The following GABRB1 variants were observed in gnomAD, a reference collection of about 807,000 sequenced individuals.
GABRB1 encodes the protein gamma-aminobutyric acid type A receptor subunit beta1, also known as gamma-aminobutyric acid receptor subunit beta-1.
Under a neutral mutation model 51.6 loss-of-function variants are expected in GABRB1, and 17 were observed. The ratio of observed to expected loss-of-function variants is 0.33; its 90% confidence interval spans 0.23 to 0.49. The LOEUF is 0.49. Among genes scored for constraint, GABRB1 ranks in the 20% least tolerant of loss-of-function variants. The pLI, the probability that GABRB1 is intolerant of heterozygous loss-of-function variation, is 0.99. For synonymous variants in GABRB1, 247 were observed against 218.9 expected (o/e 1.13, Z -1.14); for missense variants, 410 against 600.6 (o/e 0.68, Z 3.32).
intron 3 of GABRB1, among the ~76,000 whole-genome samples, chr4:47,158,275 T>A (rs903569366): frequency 6.6e-6 from 1 of 152,102 alleles, no homozygotes; most frequent in African/African-American, 2.4e-5. Flanking sequence ...TTGCCATTTT[T>A]AAAGTTGACA....
chr4:47,416,354 A>G (rs1175921078), intron 8 of GABRB1, among the ~76,000 whole-genome samples: 3 of 152,230 alleles, frequency 2.0e-5, no homozygotes, highest in African/African-American at 7.2e-5. Flanking sequence ...TGCTTTTTGG[A>G]CTAGAATAAG....
At chr4:47,029,920 C>A (rs867893644), upstream of GABRB1, among the ~76,000 whole-genome samples, 1 of 152,116 alleles carries the variant, frequency 6.6e-6, no homozygotes, top group African/African-American at 2.4e-5. Context: ...CTATATAGCA[C>A]AATAATGTCT....
At chr4:47,379,690 T>A (rs894414284) in intron 5 of GABRB1, among the ~76,000 whole-genome samples, 3 of 152,146 alleles carry the variant, frequency 2.0e-5, no homozygotes, top group African/African-American at 7.2e-5. Context: ...CCAGGAAGGG[T>A]CAAATATATC....
chr4:47,423,479 G>A (rs1204771019), intron 8 of GABRB1, among the ~76,000 whole-genome samples: 1 of 152,228 alleles, frequency 6.6e-6, no homozygotes, highest in African/African-American at 2.4e-5. Flanking sequence ...AAATTCTGTT[G>A]TAAAAGTCAG....
chr4:47,111,137 AAGCCTTTTG>A (rs1235873052), intron 3 of GABRB1, among the ~76,000 whole-genome samples: 1 of 152,288 alleles, frequency 6.6e-6, no homozygotes, highest in East Asian at 1.9e-4. Context: ...GCAGAACTGG[AAGCCTTTTG>A]AGGTAAAATT....
chr4:47,357,540 G>A (rs939495814), intron 5 of GABRB1, among the ~76,000 whole-genome samples: 10 of 152,162 alleles, frequency 6.6e-5, no homozygotes, highest in Admixed American at 2.0e-4. Flanking sequence ...CAGGTTCCAC[G>A]AATCACTCAC....
At chr4:46,996,154 C>T (rs1723989737) in intron 1 of GABRB1, among the ~76,000 whole-genome samples, 1 of 151,342 alleles carries the variant, frequency 6.6e-6, no homozygotes, top group Non-Finnish European at 1.5e-5. Context: ...TATTGTTTCC[C>T]ATGTAAACTC....
intron 3 of GABRB1, among the ~76,000 whole-genome samples, chr4:47,154,121 A>C (rs145921201): frequency 2.0e-5 from 3 of 152,114 alleles, no homozygotes; most frequent in Non-Finnish European, 2.9e-5. Flanking sequence ...GGTGACAGTG[A>C]AAAGAAAAAC....
At chr4:47,122,998 C>G (rs1198898698) in intron 3 of GABRB1, among the ~76,000 whole-genome samples, 1 of 152,076 alleles carries the variant, frequency 6.6e-6, no homozygotes, top group Non-Finnish European at 1.5e-5. Context: ...AATTTAATAG[C>G]TGTTATACTG....
chr4:47,045,294 C>T (rs557267766), intron 3 of GABRB1, among the ~76,000 whole-genome samples: 1 of 152,054 alleles, frequency 6.6e-6, no homozygotes, highest in African/African-American at 2.4e-5. Context: ...GCCTGAATTT[C>T]TCTTTAAAAT....
At chr4:47,013,414 C>T (rs1330448645) in intron 1 of GABRB1, among the ~76,000 whole-genome samples, 1 of 152,136 alleles carries the variant, frequency 6.6e-6, no homozygotes, top group East Asian at 1.9e-4. Context: ...CCCACCCTAG[C>T]CTCCCGAGTG....
chr4:47,039,233 G>A (rs1029605949), intron 3 of GABRB1, among the ~76,000 whole-genome samples: 4 of 151,352 alleles, frequency 2.6e-5, no homozygotes, highest in Non-Finnish European at 5.9e-5. Context: ...CTTCTGCTAA[G>A]TGAACCAATG....
chr4:47,128,371 A>G (rs554701171), intron 3 of GABRB1, among the ~76,000 whole-genome samples: 1 of 152,056 alleles, frequency 6.6e-6, no homozygotes, highest in East Asian at 1.9e-4. Flanking sequence ...GAGAGAGGAA[A>G]TAATAAAGGT....
chr4:47,277,346 A>G (rs572741319), intron 4 of GABRB1, among the ~76,000 whole-genome samples: 2 of 152,196 alleles, frequency 1.3e-5, no homozygotes, highest in East Asian at 3.9e-4. Context: ...GAGTGAAAGG[A>G]TGGTTAGCAG....
chr4:47,171,548 C>A (rs1431655528), intron 4 of GABRB1, among the ~76,000 whole-genome samples: 1 of 152,000 alleles, frequency 6.6e-6, no homozygotes, highest in Admixed American at 6.6e-5. Context: ...AACTGCACAT[C>A]ATTAAAAAAT....
chr4:47,031,755 GCTCT>G (rs33980898), intron 1 of GABRB1, 24 bp downstream of exon 1: 127 of 483,436 alleles, frequency 2.6e-4, no homozygotes, highest in Non-Finnish European at 3.3e-4. Context: ...GTTGAATCTC[GCTCT>G]CTCTCTCTCT....
intron 3 of GABRB1, among the ~76,000 whole-genome samples, chr4:47,074,103 A>G (rs1727452303): frequency 6.6e-6 from 1 of 152,192 alleles, no homozygotes; most frequent in Non-Finnish European, 1.5e-5. Context: ...AAACATTGCT[A>G]TTTCCAAATA....
rs758955024 is a variant in GABRB1 at position 47,161,235 on chromosome 4, T to G, written c.241-14T>G. 2.6e-6 allele frequency: 4 copies of G among 1,520,246 alleles called. No individual in the cohort carries two copies. The East Asian group carries it at 9.0e-5, about 34-fold the overall frequency. The allele number at this position is 1,520,246 out of a possible 1,614,324, so 94.2% of individuals were successfully genotyped here. A position where few individuals can be genotyped will look rare whatever the true frequency, so the allele number is the denominator to read the frequency against. ...TAAAATTCTTTTTTTTTTTTTGCTT[T>G]CTTTATTTCACAGGATTATACACTC... On this transcript the variant is annotated splice_polypyrimidine_tract_variant and intron_variant, in intron 3 of 8. Transcript: ENST00000295454.
At chr4:47,221,124 A>G (rs1173690432) in intron 4 of GABRB1, among the ~76,000 whole-genome samples, 1 of 152,000 alleles carries the variant, frequency 6.6e-6, no homozygotes, top group African/African-American at 2.4e-5. Context: ...TTTACCTCAT[A>G]GCTATTTACA....
Sources: allele counts gnomAD v4.1 joint callset (sites outside exome capture counted in the v4.1 genomes callset), GRCh38; gene constraint gnomAD v4.1.1; transcripts MANE v1.5; gene names NCBI Gene and HGNC (gene_info 2026-07-23, HGNC 2026-07-21).